PDPK1: variants seen among roughly 807,000 people sequenced by gnomAD.
PDPK1 encodes 3-phosphoinositide dependent protein kinase 1, also known as 3-phosphoinositide-dependent protein kinase 1.
Under a neutral mutation model 39.8 loss-of-function variants are expected in PDPK1, and 7 were observed. The ratio of observed to expected loss-of-function variants is 0.18; its 90% CI spans 0.10 to 0.33. The LOEUF is 0.33. Among genes scored for constraint, PDPK1 ranks in the 10% least tolerant of loss-of-function variants. The pLI is 1.00. For synonymous variants in PDPK1, 118 were observed against 159.1 expected (o/e 0.74, Z 1.95); for missense variants, 182 against 384.7 (o/e 0.47, Z 4.41).
At position 2,597,323 on chromosome 16, in the gene PDPK1, T is replaced by G; in HGVS notation, c.1554+48T>G. ...CTGTGTGCAGGGTAATGGGAGGGCT[T>G]TGCACCACGTGGGAAGCAGCCACAG... On this transcript the variant is annotated intron_variant, in intron 13 of 13. Transcript: ENST00000342085. The surrounding 1 kb of genome is among the most constrained non-coding windows in gnomAD (Gnocchi z 6.3). 1 of 1,491,502 alleles carries G rather than the reference T, an allele frequency of 6.7e-7. No individual in the cohort carries two copies. The highest frequency in any genetic ancestry group is 1.9e-5 in the Admixed American group (1 of 51,978). 92.4% of individuals were successfully genotyped at this position (1,491,502 alleles called of 1,614,324 possible).
chr16:2,585,722 T>G (rs1278559549), intron 10 of PDPK1, among the ~76,000 whole-genome samples: 1 of 152,218 alleles, frequency 6.6e-6, no homozygotes, highest in Non-Finnish European at 1.5e-5. Context: ...GCGAGCACCT[T>G]GCTCCAGCCC....
intron 11 of PDPK1, among the ~76,000 whole-genome samples, chr16:2,591,245 A>G (rs1039269436): frequency 2.0e-5 from 3 of 152,168 alleles, no homozygotes; most frequent in Non-Finnish European, 4.4e-5. Context: ...TTAGAGGCCA[A>G]AAGTCATTTG....
chr16:2,559,509 C>T (rs2066565299), intron 2 of PDPK1, among the ~76,000 whole-genome samples: 1 of 150,820 alleles, frequency 6.6e-6, no homozygotes, highest in South Asian at 2.1e-4. Flanking sequence ...TGTGCTTGGC[C>T]TCAGTTTTAC....
chr16:2,587,792 C>A (rs2066907665), intron 11 of PDPK1, among the ~76,000 whole-genome samples: 1 of 152,236 alleles, frequency 6.6e-6, no homozygotes, highest in African/African-American at 2.4e-5. Flanking sequence ...GTATGTTTTG[C>A]AAACATTCTT....
chr16:2,577,770 C>T lies in PDPK1; in HGVS notation c.785+270C>T, dbSNP rs1255655990. On this transcript the variant is annotated intron_variant, in intron 7 of 13. Coordinates refer to ENST00000342085, the MANE Select transcript of PDPK1 (RefSeq NM_002613.5). ...TTTTTTGTTTTTTGAGACGGAGTCT[C>T]GCTCTGTCTCCAGACTGGAGTGCAG... 4.0e-5 allele frequency among the ~76,000 whole-genome samples: 6 copies of T among 149,630 alleles called. 1 individual carries two copies. The highest frequency in any genetic ancestry group is 7.6e-5 in the African/African-American group (3 of 39,548).
Position 2,598,325 on chromosome 16 carries a change from C to T in PDPK1, c.*558C>T. On this transcript the variant is annotated 3_prime_UTR_variant, in exon 14 of 14. Coordinates refer to ENST00000342085, the MANE Select transcript of PDPK1 (RefSeq NM_002613.5). ...TTTCTTGCGTCTCCCTGTGATGGGC[C>T]CTTAGGCCTGGCTGGGCCCATTACA... is the stretch of plus-strand genomic sequence containing the variant. 4.3e-6 allele frequency: 1 copy of T among 233,796 alleles called. No homozygotes were observed. Among genetic ancestry groups the T allele is most frequent in the Non-Finnish European group, 8.4e-6 (1 of 118,364 alleles). The allele number at this position is 233,796 out of a possible 1,614,324, so 14.5% of individuals were successfully genotyped here. A position where few individuals can be genotyped will look rare whatever the true frequency, so the allele number is the denominator to read the frequency against.
chr16:2,577,947 T>C (rs1162003135), intron 7 of PDPK1, among the ~76,000 whole-genome samples: 1 of 148,072 alleles, frequency 6.8e-6, no homozygotes, highest in Non-Finnish European at 1.5e-5. Context: ...CCATGTTGGC[T>C]AGGATGGTCT....
rs2067157194 is a variant in PDPK1, at chr16:2,598,901, A to G, written c.*1134A>G. Reference sequence around the variant, plus strand: ...CCCCTCAGAGCTTCTACATCTGTGCATCAGAAATCTCACAGCCTTCTCATG... The same window carrying G: ...CCCCTCAGAGCTTCTACATCTGTGCGTCAGAAATCTCACAGCCTTCTCATG... On this transcript the variant is annotated 3_prime_UTR_variant, in exon 14 of 14. Coordinates refer to ENST00000342085, the MANE Select transcript of PDPK1 (RefSeq NM_002613.5). 4.3e-6 allele frequency: 1 copy of G among 233,246 alleles called. No homozygotes were observed. The highest frequency in any genetic ancestry group is 1.8e-4 in the South Asian group (1 of 5,540). The allele number at this position is 233,246 out of a possible 1,614,324, so 14.4% of individuals were successfully genotyped here.
intron 1 of PDPK1, among the ~76,000 whole-genome samples, chr16:2,546,420 A>G (rs1224869830): frequency 2.8e-4 from 38 of 136,314 alleles, no homozygotes; most frequent in Middle Eastern, 4.2e-3. Flanking sequence ...TGCAATCTCC[A>G]CCTCCCCGGT....
Position 2,601,543 on chromosome 16 carries a change from T to G in PDPK1, c.*3776T>G, listed in dbSNP as rs1597085292. On this transcript the variant is annotated 3_prime_UTR_variant, in exon 14 of 14. Coordinates refer to ENST00000342085, the MANE Select transcript of PDPK1 (RefSeq NM_002613.5). ...TCAGCAGAGATAACAAGTGTTGAAC[T>G]GACCTTGCCACATGCTTAGTGAGTG... 4.3e-6 allele frequency: 1 copy of G among 234,514 alleles called. No homozygotes were observed. The highest frequency in any genetic ancestry group is 2.2e-5 in the African/African-American group (1 of 45,346). The allele number at this position is 234,514 out of a possible 1,614,324, so 14.5% of individuals were successfully genotyped here. A position where few individuals can be genotyped will look rare whatever the true frequency, so the allele number is the denominator to read the frequency against.
chr16:2,576,258 T>A (rs1445517827), intron 6 of PDPK1: 2 of 145,308 alleles, frequency 1.4e-5, no homozygotes, highest in Non-Finnish European at 3.0e-5. Flanking sequence ...TTATTCTTTT[T>A]TCCCTTTGCC....
rs1029713700 is a variant in PDPK1, at chr16:2,598,582, C to T, written c.*815C>T. ...GTCAGAAGTGAGCCCAGTTAGTACC[C>T]CGCTGGCTCACTGCACGAGAGAGTC... is the stretch of plus-strand genomic sequence containing the variant. On this transcript the variant is annotated 3_prime_UTR_variant, in exon 14 of 14. Coordinates refer to ENST00000342085, the MANE Select transcript of PDPK1 (RefSeq NM_002613.5). 1.3e-5 allele frequency: 3 copies of T among 233,314 alleles called. No individual in the cohort carries two copies. The highest frequency in any genetic ancestry group is 4.4e-5 in the African/African-American group (2 of 45,350). 14.5% of individuals were successfully genotyped at this position (233,314 alleles called of 1,614,324 possible).
At position 2,577,552 on chromosome 16, in the gene PDPK1, AT is replaced by A. The variant is rs748740560; in HGVS notation, c.785+53del. ...TCCCTTTTCTTTAACACAGAAATTA[AT>A]ATTTGAGAGAGTGAATTTGGTGGCC... On this transcript the variant is annotated intron_variant, in intron 7 of 13. Coordinates refer to ENST00000342085, the MANE Select transcript of PDPK1 (RefSeq NM_002613.5). 1.4e-5 allele frequency: 19 copies of A among 1,318,650 alleles called. 1 individual carries two copies. The African/African-American group carries it at 3.0e-4, about 21-fold the overall frequency. 81.7% of individuals were successfully genotyped at this position (1,318,650 alleles called of 1,614,324 possible). A position where few individuals can be genotyped will look rare whatever the true frequency, so the allele number is the denominator to read the frequency against.
chr16:2,585,691 G>T (rs1007713387), intron 10 of PDPK1, among the ~76,000 whole-genome samples: 1 of 152,370 alleles, frequency 6.6e-6, no homozygotes, highest in African/African-American at 2.4e-5. Flanking sequence ...GCAGCGTCGG[G>T]CGTTTCCACC....
At chr16:2,592,771 G>A (rs1032413022) in intron 11 of PDPK1, 3 of 455,122 alleles carry the variant, frequency 6.6e-6, no homozygotes, top group African/African-American at 4.0e-5. Flanking sequence ...CACACGCTGT[G>A]CTCTAGATGC....
intron 12 of PDPK1, among the ~76,000 whole-genome samples, chr16:2,596,254 C>A (rs1207355130): frequency 1.3e-5 from 2 of 152,178 alleles, no homozygotes; most frequent in African/African-American, 4.8e-5. Flanking sequence ...TGCAGTGGCG[C>A]GATCTCGGCT....
At chr16:2,538,796 C>T (rs551303852) in intron 1 of PDPK1, 182 of 1,262,078 alleles carry the variant, frequency 1.4e-4, no homozygotes, top group African/African-American at 9.7e-4. Flanking sequence ...AGGGGAAGGA[C>T]CAAAACAAAC....
chr16:2,590,925 A>G (rs942124902), intron 11 of PDPK1, among the ~76,000 whole-genome samples: 5 of 151,176 alleles, frequency 3.3e-5, no homozygotes, highest in Non-Finnish European at 7.4e-5. Context: ...GTGGGATTAC[A>G]GGCGTGAGCT....
At chr16:2,542,406 G>GC (rs2066261225) in intron 1 of PDPK1, among the ~76,000 whole-genome samples, 1 of 152,152 alleles carries the variant, frequency 6.6e-6, no homozygotes, top group African/African-American at 2.4e-5. Flanking sequence ...GGATCCTCCC[G>GC]CCTCGGCCTC....
Sources: allele counts gnomAD v4.1 joint callset (sites outside exome capture counted in the v4.1 genomes callset), GRCh38; gene constraint gnomAD v4.1.1; non-coding constraint Gnocchi (gnomAD v3.1); transcripts MANE v1.5; gene names NCBI Gene and HGNC (gene_info 2026-07-23, HGNC 2026-07-21).